The following ERC2 variants were observed in gnomAD, a reference collection of about 807,000 sequenced individuals.
The protein encoded by ERC2 is ELKS/RAB6-interacting/CAST family member 2.
ERC2 carries 42 observed loss-of-function variants against 114.8 expected under a neutral mutation model. The observed-to-expected ratio is 0.37, with a 90% CI of 0.29 to 0.47. The LOEUF (loss-of-function observed/expected upper bound fraction) is 0.47. Among genes scored for constraint, ERC2 ranks in the 20% least tolerant of loss-of-function variants. ERC2 has a pLI of 0.99. For synonymous variants in ERC2, 454 were observed against 425.5 expected (o/e 1.07, Z -0.82); for missense variants, 939 against 1,150.7 (o/e 0.82, Z 2.66).
intron 3 of ERC2, among the ~76,000 whole-genome samples, chr3:56,254,453 C>T (rs1482299762): frequency 2.0e-5 from 3 of 152,084 alleles, no homozygotes; most frequent in African/African-American, 7.2e-5. Context: ...AGAATTAGCA[C>T]ATTAGGGACA....
At chr3:55,620,208 AT>A (rs2059270883) in intron 17 of ERC2, among the ~76,000 whole-genome samples, 1 of 152,194 alleles carries the variant, frequency 6.6e-6, no homozygotes, top group African/African-American at 2.4e-5. Flanking sequence ...TAAAACACCC[AT>A]CCTTTCAACA....
chr3:56,426,630 A>G (rs999690992), intron 2 of ERC2, among the ~76,000 whole-genome samples: 2 of 152,178 alleles, frequency 1.3e-5, no homozygotes, highest in South Asian at 2.1e-4. Context: ...TTAGTTGTAC[A>G]TTTGGCATCT....
At chr3:55,757,348 T>A (rs2067128257) in intron 14 of ERC2, among the ~76,000 whole-genome samples, 1 of 152,140 alleles carries the variant, frequency 6.6e-6, no homozygotes. Flanking sequence ...GAAAAGGATG[T>A]CCCTTCCACA....
At chr3:56,036,130 G>A (rs1220054709) in intron 7 of ERC2, among the ~76,000 whole-genome samples, 6 of 152,144 alleles carry the variant, frequency 3.9e-5, no homozygotes, top group Admixed American at 3.3e-4. Context: ...CCCAATAGAT[G>A]CAGAAAAAGC....
chr3:55,984,798 G>C (rs1370319557), intron 12 of ERC2, among the ~76,000 whole-genome samples: 1 of 152,214 alleles, frequency 6.6e-6, no homozygotes, highest in African/African-American at 2.4e-5. Flanking sequence ...TGGGGGATAC[G>C]CAGTGTGGTA....
At chr3:56,213,184 G>A (rs9815714) in intron 3 of ERC2, among the ~76,000 whole-genome samples, 4,471 of 152,200 alleles carry the variant, frequency 0.029, 68 homozygotes, top group Middle Eastern at 0.058. Context: ...CAGTGGGTGC[G>A]GTGCACCGAG....
At chr3:56,007,716 T>C (rs903145008) in intron 9 of ERC2, among the ~76,000 whole-genome samples, 1 of 152,144 alleles carries the variant, frequency 6.6e-6, no homozygotes, top group African/African-American at 2.4e-5. Context: ...ATACTGACTT[T>C]AATGCATCCG....
intron 17 of ERC2, among the ~76,000 whole-genome samples, chr3:55,632,176 C>G (rs546700364): frequency 6.6e-6 from 1 of 152,214 alleles, no homozygotes; most frequent in Non-Finnish European, 1.5e-5. Context: ...TGCACACCAG[C>G]AGGGGAAGTC....
intron 10 of ERC2, among the ~76,000 whole-genome samples, chr3:55,998,151 C>T (rs2071743055): frequency 6.6e-6 from 1 of 151,476 alleles, no homozygotes. Context: ...TGTATTAAAA[C>T]AACCACACCA....
chr3:56,081,206 A>T (rs1232297693), intron 6 of ERC2, among the ~76,000 whole-genome samples: 1 of 152,082 alleles, frequency 6.6e-6, no homozygotes, highest in Non-Finnish European at 1.5e-5. Context: ...AAAAAAAATA[A>T]GACTTCTTTG....
chr3:55,713,611 T>C (rs1379293865), intron 15 of ERC2, among the ~76,000 whole-genome samples: 1 of 152,226 alleles, frequency 6.6e-6, no homozygotes, highest in Non-Finnish European at 1.5e-5. Context: ...TTGTCTGCCA[T>C]TGTTTTTGGT....
At chr3:55,816,431 T>C (rs1423118337) in intron 14 of ERC2, among the ~76,000 whole-genome samples, 4 of 152,204 alleles carry the variant, frequency 2.6e-5, no homozygotes, top group African/African-American at 9.7e-5. Context: ...CTTTAACCAC[T>C]TTGGGCATCT....
At chr3:56,351,741 T>C (rs576294908) in intron 2 of ERC2, among the ~76,000 whole-genome samples, 12 of 152,160 alleles carry the variant, frequency 7.9e-5, no homozygotes, top group Non-Finnish European at 1.5e-4. Context: ...TGTGTATCCA[T>C]CCATTCATTC....
chr3:55,890,686 G>C (rs1012369184), intron 13 of ERC2, among the ~76,000 whole-genome samples: 1 of 152,218 alleles, frequency 6.6e-6, no homozygotes, highest in Admixed American at 6.5e-5. Flanking sequence ...ACAATACAGA[G>C]TTGTAACTGA....
At chr3:55,531,983 CT>C (rs2053695854) in intron 17 of ERC2, among the ~76,000 whole-genome samples, 1 of 152,234 alleles carries the variant, frequency 6.6e-6, no homozygotes, top group Non-Finnish European at 1.5e-5. Context: ...CTGTCCTCGG[CT>C]TCAGCCTTCC....
At chr3:55,829,100 C>T (rs980183496) in intron 14 of ERC2, among the ~76,000 whole-genome samples, 1 of 152,146 alleles carries the variant, frequency 6.6e-6, no homozygotes, top group Non-Finnish European at 1.5e-5. Context: ...CACTGTACTC[C>T]AGCCTGGGCA....
chr3:55,953,354 C>T (rs561843925), intron 12 of ERC2, among the ~76,000 whole-genome samples: 3 of 152,114 alleles, frequency 2.0e-5, no homozygotes, highest in African/African-American at 4.8e-5. Context: ...TTGAATGGCA[C>T]TGCTTAGGAT....
At chr3:56,252,713 C>T (rs371367348) in intron 3 of ERC2, among the ~76,000 whole-genome samples, 33 of 133,460 alleles carry the variant, frequency 2.5e-4, no homozygotes, top group South Asian at 1.1e-3. Flanking sequence ...GCCAAGGTCG[C>T]GCCATTGAAC....
At chr3:55,996,998 T>A (rs1343752632) in intron 10 of ERC2, among the ~76,000 whole-genome samples, 1 of 152,200 alleles carries the variant, frequency 6.6e-6, no homozygotes, top group Non-Finnish European at 1.5e-5. Context: ...TTATTTCCAA[T>A]AAAATGGCAG....
Sources: allele counts gnomAD v4.1 joint callset (sites outside exome capture counted in the v4.1 genomes callset), GRCh38; gene constraint gnomAD v4.1.1; transcripts MANE v1.5; gene names NCBI Gene and HGNC (gene_info 2026-07-23, HGNC 2026-07-21).